Variants in PDE9A observed in about 807,000 individuals in gnomAD.
PDE9A encodes the protein high affinity cGMP-specific 3',5'-cyclic phosphodiesterase 9A.
Under a neutral mutation model 87.4 loss-of-function variants are expected in PDE9A, and 60 were observed. The ratio of observed to expected loss-of-function variants is 0.69; its 90% CI spans 0.56 to 0.85. The LOEUF (loss-of-function observed/expected upper bound fraction) is 0.85, where lower values mean the gene tolerates loss of function less well. PDE9A is among the 40% of genes least tolerant of loss of function. The pLI, the probability that PDE9A is intolerant of heterozygous loss-of-function variation, is 0.00. For missense variants in PDE9A, 665 were observed against 779.0 expected, an observed-to-expected ratio of 0.85 and a Z score of 1.74; for synonymous variants, 272 against 279.4, an observed-to-expected ratio of 0.97 and a Z score of 0.27.
chr21:42,770,856 G>A lies in PDE9A; in HGVS notation c.1686+58G>A, dbSNP rs915976417. 104 of 1,334,082 alleles carry A rather than the reference G, an allele frequency of 7.8e-5. No individual in the cohort carries two copies. The East Asian group carries it at 2.2e-3, about 28-fold the overall frequency. The allele number at this position is 1,334,082 out of a possible 1,614,324, so 82.6% of individuals were successfully genotyped here. ...GCGGCAAGCAGGCACGCTGCCCTCC[G>A]CACTCCCGACTCCAGAAGCTTGGAC... is the stretch of plus-strand genomic sequence containing the variant. On this transcript the variant is annotated intron_variant, in intron 18 of 19. Transcript: ENST00000291539.
chr21:42,705,120 G>T lies in PDE9A; in HGVS notation c.262+6109G>T, dbSNP rs1433718339. 6.6e-6 allele frequency among the ~76,000 whole-genome samples: 1 copy of T among 152,170 alleles called. No individual in the cohort carries two copies. The highest frequency in any genetic ancestry group is 1.5e-5 in the Non-Finnish European group (1 of 68,034). On this transcript the variant is annotated intron_variant, in intron 4 of 19. Coordinates refer to ENST00000291539, the MANE Select transcript of PDE9A (RefSeq NM_002606.3). This position sits in a 1 kb window ranked among gnomAD's most constrained non-coding sequence, Gnocchi z 4.3. ...TCTCCAGCGTAGAGTAGAAGGAATGGCCCCGTCCACGCGAAGGTCTGTGTT... is the reference window on the plus strand; with the variant it reads ...TCTCCAGCGTAGAGTAGAAGGAATGTCCCCGTCCACGCGAAGGTCTGTGTT...
chr21:42,718,938 C>G (rs12626774), intron 4 of PDE9A, among the ~76,000 whole-genome samples: 103,316 of 151,564 alleles, frequency 0.68, 37,037 homozygotes, highest in East Asian at 0.94. Context: ...TTCCGTTACT[C>G]ACTGATCATC....
chr21:42,771,292 C>G (rs75918224), intron 18 of PDE9A, among the ~76,000 whole-genome samples: 5,858 of 152,292 alleles, frequency 0.038, 152 homozygotes, highest in South Asian at 0.07. Context: ...GGCCAGGGAG[C>G]CTGGGGCTGG....
rs370700385 is a variant in PDE9A, at chr21:42,696,939, C to T, written c.219-2029C>T. On this transcript the variant is annotated intron_variant, in intron 3 of 19. Coordinates refer to ENST00000291539, the MANE Select transcript of PDE9A (RefSeq NM_002606.3). This position sits in a 1 kb window ranked among gnomAD's most constrained non-coding sequence, Gnocchi z 5.1. ...TGCACTTAGGGCCACGCTTCAAGCC[C>T]AGTGCCTCTTATGACCAAGTCTCTG... Among the ~76,000 whole-genome samples the T allele has an allele frequency of 2.6e-5, 4 of 152,230 alleles. No homozygotes were observed. Among genetic ancestry groups the T allele is most frequent in the African/African-American group, 7.2e-5 (3 of 41,460 alleles).
chr21:42,735,397 T>A (rs571317969), intron 7 of PDE9A, among the ~76,000 whole-genome samples: 6 of 152,346 alleles, frequency 3.9e-5, no homozygotes, highest in South Asian at 4.1e-4. Context: ...ATCCTGAAGC[T>A]GCCTCACAAA....
At chr21:42,664,230 C>T (rs925827713) in intron 1 of PDE9A, among the ~76,000 whole-genome samples, 3 of 152,248 alleles carry the variant, frequency 2.0e-5, no homozygotes, top group Non-Finnish European at 4.4e-5. Context: ...TCTTTGTGTT[C>T]GGCTCAGTGG....
At chr21:42,706,730 T>G (rs1221349507) in intron 4 of PDE9A, among the ~76,000 whole-genome samples, 8 of 152,074 alleles carry the variant, frequency 5.3e-5, no homozygotes, top group Non-Finnish European at 1.2e-4. Flanking sequence ...TCCAGAACAT[T>G]TCCATCAACC....
At chr21:42,690,091 TGGA>T in intron 3 of PDE9A, 1 of 984,734 alleles carries the variant, frequency 1.0e-6, no homozygotes, top group Non-Finnish European at 1.2e-6. Context: ...AGGATACAGG[TGGA>T]GAAGATGGAG....
chr21:42,765,591 A>G (rs756055165), intron 15 of PDE9A, 97 bp downstream of exon 15: 9 of 740,216 alleles, frequency 1.2e-5, no homozygotes, highest in South Asian at 1.0e-4. Flanking sequence ...AGCTGAAATT[A>G]TTAGTCTTCT....
intron 1 of PDE9A, among the ~76,000 whole-genome samples, chr21:42,669,507 G>A (rs1307989701): frequency 6.6e-6 from 1 of 152,182 alleles, no homozygotes; most frequent in Non-Finnish European, 1.5e-5. Context: ...TGTGTGCGGG[G>A]CCCAAGAGAA....
chr21:42,771,616 A>G (rs1396293542), intron 18 of PDE9A, among the ~76,000 whole-genome samples: 1 of 152,082 alleles, frequency 6.6e-6, no homozygotes, highest in Non-Finnish European at 1.5e-5. Flanking sequence ...TACTGTGCCC[A>G]CCACCCCGTC....
rs1426054427 is a variant in PDE9A at position 42,759,452 on chromosome 21, AGT to A, written c.897+371_897+372del. On this transcript the variant is annotated intron_variant, in intron 11 of 19. Coordinates refer to ENST00000291539, the MANE Select transcript of PDE9A (RefSeq NM_002606.3). This position sits in a 1 kb window ranked among gnomAD's most constrained non-coding sequence, Gnocchi z 7.2. ...GGGGGTGTGGATGTGAGTGTGTGTGAGTGTGGGGTGTGGATGTGAGCATGGGG... is the reference window on the plus strand; with the variant it reads ...GGGGGTGTGGATGTGAGTGTGTGTGAGTGGGGTGTGGATGTGAGCATGGGG... 1.5e-5 allele frequency among the ~76,000 whole-genome samples: 2 copies of A among 137,086 alleles called. No individual in the cohort carries two copies. The highest frequency in any genetic ancestry group is 5.7e-5 in the African/African-American group (2 of 35,356). The allele number at this position is 137,086 out of a possible 152,430, so 89.9% of individuals were successfully genotyped here. A position where few individuals can be genotyped will look rare whatever the true frequency, so the allele number is the denominator to read the frequency against.
rs2058800643 is a variant in PDE9A, at chr21:42,675,501, T to C, written c.70-10691T>C. ...GCTCTTATTAGTATGTTTATCTTCA[T>C]TATGTCCCTAAGAGCCATTCCTGGA... On this transcript the variant is annotated intron_variant, in intron 1 of 19. Transcript: ENST00000291539. This position sits in a 1 kb window ranked among gnomAD's most constrained non-coding sequence, Gnocchi z 4.3. Among the ~76,000 whole-genome samples the C allele has an allele frequency of 6.6e-6, 1 of 152,254 alleles. No individual in the cohort carries two copies. Among genetic ancestry groups the C allele is most frequent in the African/African-American group, 2.4e-5 (1 of 41,468 alleles).
intron 19 of PDE9A, 76 bp downstream of exon 19, chr21:42,772,596 G>C: frequency 9.5e-7 from 1 of 1,055,750 alleles, no homozygotes; most frequent in Non-Finnish European, 1.4e-6. Context: ...AAGAGGAAGG[G>C]GAGAAAATCT....
chr21:42,750,420 G>A (rs2146973371), intron 8 of PDE9A, among the ~76,000 whole-genome samples: 1 of 151,916 alleles, frequency 6.6e-6, no homozygotes. Flanking sequence ...ATGGGATTTA[G>A]GGAAATAAAT....
chr21:42,720,264 C>T (rs929846777), intron 4 of PDE9A, among the ~76,000 whole-genome samples: 7 of 151,984 alleles, frequency 4.6e-5, no homozygotes, highest in South Asian at 2.1e-4. Context: ...GAGGCCAAGG[C>T]GGGCGGATCA....
chr21:42,746,286 G>C (rs916368157), intron 8 of PDE9A, among the ~76,000 whole-genome samples: 2 of 152,234 alleles, frequency 1.3e-5, no homozygotes, highest in Non-Finnish European at 2.9e-5. Flanking sequence ...ATTTCCTGGG[G>C]CTGCGTAACG....
chr21:42,749,076 G>A (rs994841021), intron 8 of PDE9A, among the ~76,000 whole-genome samples: 1 of 152,166 alleles, frequency 6.6e-6, no homozygotes, highest in Non-Finnish European at 1.5e-5. Flanking sequence ...TTTTGTTACA[G>A]CAGATCACAC....
At chr21:42,762,985 G>A (rs1452586145) in intron 14 of PDE9A, among the ~76,000 whole-genome samples, 5 of 152,144 alleles carry the variant, frequency 3.3e-5, no homozygotes, top group Admixed American at 6.5e-5. Context: ...GAGCCACCAC[G>A]CCCGGCCACC....
Sources: gnomAD v4.1 joint callset for allele counts (sites outside exome capture counted in the v4.1 genomes callset) on GRCh38, gnomAD v4.1.1 for gene constraint, Gnocchi (gnomAD v3.1) non-coding constraint, MANE v1.5 for transcripts, NCBI Gene and HGNC (gene_info 2026-07-23, HGNC 2026-07-21) for gene names.